The following ANOS1 variants were observed in gnomAD, a reference collection of about 807,000 sequenced individuals.
The protein encoded by ANOS1 is anosmin-1.
A neutral mutation model predicts 59.0 loss-of-function variants in ANOS1; 6 were observed. The ratio of observed to expected loss-of-function variants is 0.10; its 90% CI spans 0.06 to 0.20. The LOEUF is 0.20. ANOS1 is among the 10% of genes least tolerant of loss of function. The probability of loss-of-function intolerance (pLI) is 1.00; values close to 1 mark genes in which losing one functional copy is unlikely to be tolerated. For synonymous variants in ANOS1, 217 were observed against 223.4 expected, an observed-to-expected ratio of 0.97 and a Z score of 0.25; for missense variants, 433 against 542.3, an observed-to-expected ratio of 0.80 and a Z score of 2.00.
intron 2 of ANOS1, among the ~76,000 whole-genome samples, chrX:8,662,858 C>T (rs1376119608): frequency 9.0e-6 from 1 of 111,085 alleles, no homozygotes; most frequent in East Asian, 2.8e-4. Flanking sequence ...CCCGTCTCTA[C>T]TAAAAAAATA....
intron 2 of ANOS1, among the ~76,000 whole-genome samples, chrX:8,657,071 G>T (rs1383057665): frequency 8.9e-6 from 1 of 112,337 alleles, no homozygotes; most frequent in African/African-American, 3.2e-5. Flanking sequence ...GTGGGAAGGG[G>T]GCAGGCAGAG....
intron 2 of ANOS1, among the ~76,000 whole-genome samples, chrX:8,698,325 T>G (rs1461934715): frequency 8.9e-6 from 1 of 112,433 alleles, no homozygotes; most frequent in African/African-American, 3.2e-5. Context: ...CAAATAAGCC[T>G]GTTCTAATCA....
intron 3 of ANOS1, among the ~76,000 whole-genome samples, chrX:8,616,358 T>C (rs1301521172): frequency 1.8e-5 from 2 of 111,859 alleles, no homozygotes; most frequent in Admixed American, 9.6e-5. Context: ...TCCTTCTTCA[T>C]CTCCCTATTC....
intron 7 of ANOS1, 100 bp from the exon 8 acceptor site, chrX:8,568,476 C>T: frequency 1.3e-6 from 1 of 798,706 alleles, no homozygotes; most frequent in Non-Finnish European, 1.9e-6. Context: ...ATGCCAACTT[C>T]TGATTTCTTT....
intron 1 of ANOS1, among the ~76,000 whole-genome samples, chrX:8,724,556 G>A (rs746205170): frequency 4.6e-4 from 52 of 112,363 alleles, no homozygotes; most frequent in African/African-American, 1.7e-3. Context: ...CATGGTCTGC[G>A]CACATCAAGG....
chrX:8,578,471 G>A (rs1319324729), intron 6 of ANOS1, among the ~76,000 whole-genome samples: 2 of 111,538 alleles, frequency 1.8e-5, no homozygotes, highest in African/African-American at 6.5e-5. Flanking sequence ...AAAGTCATGG[G>A]TCCCCACGGG....
At chrX:8,576,443 C>T (rs1333437118) in intron 6 of ANOS1, among the ~76,000 whole-genome samples, 1 of 106,079 alleles carries the variant, frequency 9.4e-6, no homozygotes, top group Non-Finnish European at 1.9e-5. Context: ...TTGGAGATTT[C>T]CATGTGAAAT....
At position 8,532,636 on chromosome X, in the gene ANOS1, T is replaced by G. The variant is rs1929518272; in HGVS notation, c.*359A>C. ...TTAGTGTTATGTGTGAATTGTGTAT[T>G]TGTTACTCTCCTTTTTGGGGCGGAG... On this transcript the variant is annotated 3_prime_UTR_variant, in exon 14 of 14. Transcript: ENST00000262648. 6.3e-6 allele frequency: 1 copy of G among 159,789 alleles called. No individual in the cohort carries two copies. Among genetic ancestry groups the G allele is most frequent in the Non-Finnish European group, 1.2e-5 (1 of 83,030 alleles). 13.2% of individuals were successfully genotyped at this position (159,789 alleles called of 1,213,427 possible). A position where few individuals can be genotyped will look rare whatever the true frequency, so the allele number is the denominator to read the frequency against.
chrX:8,543,355 C>A (rs750792434), intron 9 of ANOS1, among the ~76,000 whole-genome samples: 29 of 107,621 alleles, frequency 2.7e-4, no homozygotes, highest in East Asian at 2.4e-3. Context: ...GTAAATGGCA[C>A]CCCCAAATGA....
chrX:8,588,731 G>A (rs765971571), intron 4 of ANOS1, among the ~76,000 whole-genome samples: 1 of 112,492 alleles, frequency 8.9e-6, no homozygotes, highest in South Asian at 3.6e-4. Flanking sequence ...ATCGCCTTCT[G>A]TACATGCAAG....
intron 9 of ANOS1, among the ~76,000 whole-genome samples, chrX:8,546,235 A>G (rs1489774563): frequency 8.9e-6 from 1 of 112,098 alleles, no homozygotes; most frequent in Non-Finnish European, 1.9e-5. Context: ...GATTCTGTAG[A>G]TCATGTGGTG....
intron 2 of ANOS1, among the ~76,000 whole-genome samples, chrX:8,689,662 G>A (rs752740194): frequency 9.1e-6 from 1 of 109,829 alleles, no homozygotes; most frequent in African/African-American, 3.3e-5. Flanking sequence ...GAGCCGAGAT[G>A]GTGCCACTGC....
chrX:8,545,743 C>T (rs887409382), intron 9 of ANOS1, among the ~76,000 whole-genome samples: 5 of 111,748 alleles, frequency 4.5e-5, no homozygotes, highest in African/African-American at 1.6e-4. Context: ...TAGATTTGGG[C>T]TTTTAGGTCC....
chrX:8,534,583 G>T, intron 12 of ANOS1, 123 bp from the exon 13 acceptor site: 1 of 684,055 alleles, frequency 1.5e-6, no homozygotes, highest in Non-Finnish European at 2.3e-6. Context: ...AAGTTTGGTT[G>T]CTTTGTAAAG....
intron 4 of ANOS1, among the ~76,000 whole-genome samples, chrX:8,590,108 G>A (rs184840184): frequency 8.8e-4 from 98 of 111,116 alleles, no homozygotes; most frequent in African/African-American, 3.1e-3. Context: ...ACGTAGAAGC[G>A]AGGTTCTCTC....
intron 1 of ANOS1, among the ~76,000 whole-genome samples, chrX:8,730,883 G>T (rs1488588490): frequency 4.4e-5 from 5 of 112,761 alleles, no homozygotes; most frequent in African/African-American, 1.3e-4. Context: ...CGCTCGCGCT[G>T]AGTCCGGAAC....
intron 2 of ANOS1, among the ~76,000 whole-genome samples, chrX:8,642,233 T>A (rs1931677051): frequency 8.9e-6 from 1 of 112,092 alleles, no homozygotes; most frequent in East Asian, 2.8e-4. Flanking sequence ...TATAATATTA[T>A]GCTAAGTAAA....
At chrX:8,660,175 G>A (rs1602009589) in intron 2 of ANOS1, among the ~76,000 whole-genome samples, 2 of 111,358 alleles carry the variant, frequency 1.8e-5, no homozygotes, top group African/African-American at 6.5e-5. Flanking sequence ...AATGACTTCC[G>A]AGGCAGCTCT....
Position 8,649,637 on chromosome X carries a change from C to T in ANOS1, c.256-25967G>A, listed in dbSNP as rs141936071. ...GCATAAGCAATAGGTATTCAGTGAACGAATACAACAATAAAATTGCATCAA... is the reference window on the plus strand; with the variant it reads ...GCATAAGCAATAGGTATTCAGTGAATGAATACAACAATAAAATTGCATCAA... On this transcript the variant is annotated intron_variant, in intron 2 of 13. Transcript: ENST00000262648. Among the ~76,000 whole-genome samples the T allele has an allele frequency of 3.3e-3, 376 of 112,681 alleles. 2 individuals carry two copies. Among genetic ancestry groups the T allele is most frequent in the African/African-American group, 0.012 (361 of 31,031 alleles).
Sources: allele counts gnomAD v4.1 joint callset (sites outside exome capture counted in the v4.1 genomes callset), GRCh38; gene constraint gnomAD v4.1.1; transcripts MANE v1.5; gene names NCBI Gene and HGNC (gene_info 2026-07-23, HGNC 2026-07-21).